Variants in MYH15 observed in about 807,000 individuals in gnomAD.
MYH15 encodes myosin heavy chain 15, also known as myosin-15.
Under a neutral mutation model 240.5 loss-of-function variants are expected in MYH15, and 227 were observed. The ratio of observed to expected loss-of-function variants is 0.94; its 90% CI spans 0.85 to 1.05. The LOEUF is 1.05. Among genes scored for constraint, MYH15 ranks in the 50% least tolerant of loss-of-function variants. The pLI is 0.00. For missense variants in MYH15, 2,217 were observed against 2,247.5 expected (o/e 0.99, Z 0.27); for synonymous variants, 785 against 796.7 (o/e 0.99, Z 0.25).
intron 38 of MYH15, 30 bp from the exon 39 acceptor site, chr3:108,384,812 G>T (rs1401150079): frequency 6.3e-7 from 1 of 1,586,042 alleles, no homozygotes; most frequent in Non-Finnish European, 8.7e-7. Flanking sequence ...ATGGGAAGGT[G>T]ATTCAGAGGA....
chr3:108,452,215 C>T (rs1397490328), intron 21 of MYH15, among the ~76,000 whole-genome samples: 1 of 152,078 alleles, frequency 6.6e-6, no homozygotes, highest in East Asian at 1.9e-4. Flanking sequence ...GTGTGACCTA[C>T]AACCTATTAT....
At position 108,421,303 on chromosome 3, in the gene MYH15, G is replaced by A. The variant is rs556056720; in HGVS notation, c.3703-89C>T. 6.5e-5 allele frequency: 92 copies of A among 1,411,536 alleles called. No individual in the cohort carries two copies. The African/African-American group carries it at 1.2e-3, about 19-fold the overall frequency. The allele number at this position is 1,411,536 out of a possible 1,614,324, so 87.4% of individuals were successfully genotyped here. A position where few individuals can be genotyped will look rare whatever the true frequency, so the allele number is the denominator to read the frequency against. On this transcript the variant is annotated intron_variant, in intron 27 of 40. Transcript: ENST00000693548. ...AGGAAGAGGGGAGGAGTGGCTCCAG[G>A]GATCCGCATGCTCTCTTCTGTAGTA... is the stretch of plus-strand genomic sequence containing the variant.
intron 22 of MYH15, among the ~76,000 whole-genome samples, chr3:108,444,384 T>G (rs571723757): frequency 6.6e-6 from 1 of 152,164 alleles, no homozygotes; most frequent in Non-Finnish European, 1.5e-5. Flanking sequence ...CAGAGCTTCC[T>G]GGCCTCCATG....
chr3:108,465,697 C>T (rs1263288493), intron 14 of MYH15, among the ~76,000 whole-genome samples: 5 of 152,038 alleles, frequency 3.3e-5, no homozygotes, highest in African/African-American at 9.7e-5. Context: ...GAGGCTGAGG[C>T]GGGCAGATCA....
rs1428209906 is a variant in MYH15, at chr3:108,436,346, T to C, written c.3221+1208A>G. ...TGCTTTAATTATTCCATTCCATTCA[T>C]AAGGTCGCTTGTTTCATCGTTTCTA... is the stretch of plus-strand genomic sequence containing the variant. On this transcript the variant is annotated intron_variant, in intron 25 of 40. Transcript: ENST00000693548. Among the ~76,000 whole-genome samples, 4 of 152,324 alleles carry C rather than the reference T, an allele frequency of 2.6e-5. No homozygotes were observed. In the East Asian group the frequency reaches 7.7e-4, roughly 29 times the overall value.
At chr3:108,543,140 A>T in the MYH15 span, among the ~76,000 whole-genome samples, 2,010 of 152,154 alleles carry the variant, frequency 0.013, 45 homozygotes, top group African/African-American at 0.046. Flanking sequence ...TGGCCTCCCA[A>T]AGTGCTGGGG....
intron 16 of MYH15, among the ~76,000 whole-genome samples, chr3:108,462,110 C>T (rs551419539): frequency 6.6e-6 from 1 of 152,064 alleles, no homozygotes; most frequent in African/African-American, 2.4e-5. Flanking sequence ...CCAAACAAAA[C>T]GTGTTTGAAG....
intron 21 of MYH15, among the ~76,000 whole-genome samples, chr3:108,450,781 T>C (rs1007443161): frequency 1.3e-5 from 2 of 152,086 alleles, no homozygotes; most frequent in African/African-American, 4.8e-5. Flanking sequence ...TACCTACATA[T>C]ATCAAAACAT....
chr3:108,459,465 T>C lies in MYH15; in HGVS notation c.1933-16A>G, dbSNP rs376293212. ...TCAGGTTTTCCTAAAATGGAGACCA[T>C]AATAAACACAAAATCACTTTGCAAA... On this transcript the variant is annotated splice_polypyrimidine_tract_variant and intron_variant, in intron 17 of 40. Transcript: ENST00000693548. 1.7e-5 allele frequency: 26 copies of C among 1,523,544 alleles called. No homozygotes were observed. The highest frequency in any genetic ancestry group is 2.2e-5 in the Non-Finnish European group (24 of 1,113,858). 94.4% of individuals were successfully genotyped at this position (1,523,544 alleles called of 1,614,324 possible). A position where few individuals can be genotyped will look rare whatever the true frequency, so the allele number is the denominator to read the frequency against.
intron 14 of MYH15, among the ~76,000 whole-genome samples, chr3:108,466,106 A>C (rs908367782): frequency 6.6e-6 from 1 of 152,116 alleles, no homozygotes; most frequent in Admixed American, 6.6e-5. Context: ...GCTCCCATCA[A>C]ACTTGATTTA....
At chr3:108,392,904 T>C (rs1274302348) in intron 36 of MYH15, among the ~76,000 whole-genome samples, 2 of 152,222 alleles carry the variant, frequency 1.3e-5, no homozygotes, top group South Asian at 4.1e-4. Flanking sequence ...CCATCAAACA[T>C]CTTCAAGATT....
chr3:108,444,138 A>AC (rs2082907928), intron 22 of MYH15, among the ~76,000 whole-genome samples: 1 of 151,710 alleles, frequency 6.6e-6, no homozygotes, highest in South Asian at 2.1e-4. Context: ...CCTAAAACTT[A>AC]AAGTATAATA....
At chr3:108,416,713 T>C (rs757529822) in intron 29 of MYH15, 99 bp downstream of exon 29, 11 of 1,032,922 alleles carry the variant, frequency 1.1e-5, no homozygotes, top group Non-Finnish European at 1.6e-5. Context: ...TTTTCCCTTC[T>C]TCTTTTACAA....
chr3:108,413,318 G>C (rs2082608769), intron 30 of MYH15, among the ~76,000 whole-genome samples: 1 of 152,338 alleles, frequency 6.6e-6, no homozygotes, highest in African/African-American at 2.4e-5. Context: ...TGGGTACAGA[G>C]ATGGATCACT....
intron 39 of MYH15, among the ~76,000 whole-genome samples, chr3:108,384,393 A>C (rs1405482599): frequency 1.3e-5 from 2 of 152,104 alleles, no homozygotes; most frequent in Non-Finnish European, 2.9e-5. Flanking sequence ...CTTGCCCAAA[A>C]CTGGCCTTCC....
the MYH15 span, among the ~76,000 whole-genome samples, chr3:108,545,530 C>T: frequency 3.3e-5 from 5 of 150,844 alleles, no homozygotes; most frequent in Non-Finnish European, 6.0e-5. Context: ...TAAAAACTTT[C>T]CTTAGGTAGA....
intron 6 of MYH15, among the ~76,000 whole-genome samples, chr3:108,497,726 C>T (rs1035030927): frequency 6.6e-6 from 1 of 152,032 alleles, no homozygotes; most frequent in African/African-American, 2.4e-5. Context: ...AATATCCAAG[C>T]CACTGATGAC....
At chr3:108,498,318 G>A (rs1292580469) in intron 5 of MYH15, among the ~76,000 whole-genome samples, 173 bp from the exon 6 acceptor site, 1 of 152,182 alleles carries the variant, frequency 6.6e-6, no homozygotes, top group Admixed American at 6.5e-5. Flanking sequence ...AGAAGGGCAA[G>A]GACATTTCAG....
At chr3:108,527,275 A>C (rs2083679955) in intron 1 of MYH15, among the ~76,000 whole-genome samples, 1 of 152,108 alleles carries the variant, frequency 6.6e-6, no homozygotes, top group Non-Finnish European at 1.5e-5. Context: ...GGGATTAGTG[A>C]ATTCTCATCA....
Sources: gnomAD v4.1 joint callset for allele counts (sites outside exome capture counted in the v4.1 genomes callset) on GRCh38, gnomAD v4.1.1 for gene constraint, MANE v1.5 for transcripts, NCBI Gene and HGNC (gene_info 2026-07-23, HGNC 2026-07-21) for gene names.